The following CCDC158 variants were observed in gnomAD, a reference collection of about 807,000 sequenced individuals.
CCDC158 encodes coiled-coil domain containing 158.
A neutral mutation model predicts 138.6 loss-of-function variants in CCDC158; 116 were observed. The ratio of observed to expected loss-of-function variants is 0.84; its 90% CI spans 0.72 to 0.98. CCDC158 has a LOEUF of 0.98. CCDC158 is among the 50% of genes least tolerant of loss of function. The probability of loss-of-function intolerance (pLI) is 0.00; values close to 1 mark genes in which losing one functional copy is unlikely to be tolerated. For synonymous variants in CCDC158, 436 were observed against 442.4 expected (o/e 0.99, Z 0.18); for missense variants, 1,265 against 1,306.1 (o/e 0.97, Z 0.48).
At chr4:76,313,759 A>C (rs1421505303) in intron 24 of CCDC158, among the ~76,000 whole-genome samples, 1 of 152,212 alleles carries the variant, frequency 6.6e-6, no homozygotes, top group East Asian at 1.9e-4. Context: ...AATTTGGTGA[A>C]TATCTGCACA....
At chr4:76,402,535 T>A (rs1314557509) in intron 3 of CCDC158, among the ~76,000 whole-genome samples, 5 of 152,246 alleles carry the variant, frequency 3.3e-5, no homozygotes, top group African/African-American at 1.2e-4. Flanking sequence ...CAGTTGGTAA[T>A]TTCTGTGTTG....
At chr4:76,353,968 A>T (rs1375238595) in intron 15 of CCDC158, among the ~76,000 whole-genome samples, 1 of 152,210 alleles carries the variant, frequency 6.6e-6, no homozygotes, top group Non-Finnish European at 1.5e-5. Flanking sequence ...AGTGAAAAAC[A>T]TTTATTGTAA....
In CCDC158 at chr4:76,416,312, C is replaced by T. The variant is rs192853067; in HGVS notation, c.-116-4180G>A. On this transcript the variant is annotated intron_variant, in intron 1 of 24. Transcript: ENST00000682701. Reference sequence around the variant, plus strand: ...ACAGCCTGGCATTTGGGGCCACTACCGGTCTCCGCGTCTTGGTTGTAGTGG... The same window carrying T: ...ACAGCCTGGCATTTGGGGCCACTACTGGTCTCCGCGTCTTGGTTGTAGTGG... 4.0e-3 allele frequency among the ~76,000 whole-genome samples: 613 copies of T among 152,236 alleles called. 3 individuals carry two copies. The highest frequency in any genetic ancestry group is 0.014 in the African/African-American group (580 of 41,548).
At chr4:76,327,893 C>G (rs1720670656) in intron 22 of CCDC158, among the ~76,000 whole-genome samples, 1 of 152,140 alleles carries the variant, frequency 6.6e-6, no homozygotes, top group Non-Finnish European at 1.5e-5. Context: ...ATAGGAAGAC[C>G]AATTACGTGT....
At chr4:76,352,267 C>T (rs1305556258) in intron 16 of CCDC158, 1 of 152,996 alleles carries the variant, frequency 6.5e-6, no homozygotes, top group Non-Finnish European at 1.5e-5. Context: ...ATTAACTGGG[C>T]ATGGTGGTGC....
At position 76,367,515 on chromosome 4, in the gene CCDC158, T is replaced by C. The variant is rs1724796988; in HGVS notation, c.1609A>G (p.Lys537Glu). Residue 537 changes from lysine to glutamate, a missense_variant, in exon 12 of 25, where the codon AAA (lysine) becomes GAA (glutamate). Lys to Glu is a moderately conservative substitution (Grantham distance 56, BLOSUM62 1). Transcript: ENST00000682701. The stretch of plus-strand genomic sequence containing the variant: ...TTTCTGAGATGATCCCCTTCATTTT[T>C]CAAGTGTTGCAGCTCCTGCAATTTC... Reference protein sequence around the residue: ...DLKLQELQHLKNEGDHLRNVQ... With the variant: ...DLKLQELQHLENEGDHLRNVQ... The C allele has an allele frequency of 6.8e-6, 11 of 1,614,258 alleles. No individual in the cohort carries two copies. Among genetic ancestry groups the C allele is most frequent in the Non-Finnish European group, 9.3e-6 (11 of 1,180,048 alleles).
At chr4:76,369,401 T>C (rs200727231) in intron 11 of CCDC158, 25 bp downstream of exon 11, 3 of 1,606,066 alleles carry the variant, frequency 1.9e-6, no homozygotes, top group African/African-American at 2.7e-5. Context: ...TGTTTGGCGA[T>C]GGCACAGCCT....
chr4:76,375,616 C>A lies in CCDC158; in HGVS notation c.1029+3674G>T. 10 of 702,658 alleles carry A rather than the reference C, an allele frequency of 1.4e-5. 1 individual carries two copies. The highest frequency in any genetic ancestry group is 1.0e-5 in the Non-Finnish European group (4 of 384,868). The allele number at this position is 702,658 out of a possible 1,614,324, so 43.5% of individuals were successfully genotyped here. On this transcript the variant is annotated intron_variant, in intron 9 of 24. Transcript: ENST00000682701. ...AGGAGATATTTTTGTTGTCAAAAAGCGAAAGTTAAGGGTAAAGCCAAATCT... is the reference window on the plus strand; with the variant it reads ...AGGAGATATTTTTGTTGTCAAAAAGAGAAAGTTAAGGGTAAAGCCAAATCT...
chr4:76,415,132 T>C (rs1024240799), intron 1 of CCDC158, among the ~76,000 whole-genome samples: 3 of 152,186 alleles, frequency 2.0e-5, no homozygotes, highest in Non-Finnish European at 4.4e-5. Flanking sequence ...TAGAGTAAAG[T>C]TCTTGCTATG....
At chr4:76,408,250 A>G (rs557558302) in intron 2 of CCDC158, among the ~76,000 whole-genome samples, 1 of 151,906 alleles carries the variant, frequency 6.6e-6, no homozygotes, top group Non-Finnish European at 1.5e-5. Flanking sequence ...GGTTTGTTAC[A>G]TATGTACACA....
intron 24 of CCDC158, among the ~76,000 whole-genome samples, chr4:76,316,156 G>A (rs1001439862): frequency 4.6e-5 from 7 of 152,136 alleles, no homozygotes; most frequent in African/African-American, 1.4e-4. Context: ...GGTTGATTAA[G>A]CTACTCATGG....
chr4:76,326,522 C>T (rs1720547389), intron 22 of CCDC158, among the ~76,000 whole-genome samples: 1 of 152,140 alleles, frequency 6.6e-6, no homozygotes, highest in African/African-American at 2.4e-5. Context: ...ATTCAAGCAG[C>T]ATTACTTCAA....
chr4:76,329,521 T>G (rs1472604749), intron 21 of CCDC158, among the ~76,000 whole-genome samples: 1 of 152,114 alleles, frequency 6.6e-6, no homozygotes, highest in Non-Finnish European at 1.5e-5. Context: ...GAGGCAGAGC[T>G]TGCAGTGAGC....
chr4:76,330,282 A>T (rs1720900523), intron 21 of CCDC158, among the ~76,000 whole-genome samples: 1 of 152,168 alleles, frequency 6.6e-6, no homozygotes, highest in South Asian at 2.1e-4. Context: ...TGACTTTGAC[A>T]AGTTGCTATG....
rs1304784986 is a variant in CCDC158 at position 76,353,113 on chromosome 4, T to G, written c.2445+10A>C. 9 of 1,599,420 alleles carry G rather than the reference T, an allele frequency of 5.6e-6. No individual in the cohort carries two copies. Among genetic ancestry groups the G allele is most frequent in the Non-Finnish European group, 7.7e-6 (9 of 1,172,742 alleles). ...TTGATAATTACTTCATATGTTTAGTTAATAATTACCTTATCCAGAGCCACT... is the reference window on the plus strand; with the variant it reads ...TTGATAATTACTTCATATGTTTAGTGAATAATTACCTTATCCAGAGCCACT... On this transcript the variant is annotated intron_variant, in intron 16 of 24. Transcript: ENST00000682701.
At chr4:76,331,088 TAGAGGGCTCGG>T (rs1720965466) in intron 21 of CCDC158, among the ~76,000 whole-genome samples, 1 of 152,164 alleles carries the variant, frequency 6.6e-6, no homozygotes, top group East Asian at 1.9e-4. Flanking sequence ...TTAATATATA[TAGAGGGCTCGG>T]ATATCTCTGT....
chr4:76,353,034 T>C (rs1723197504), intron 16 of CCDC158, 89 bp downstream of exon 16: 1 of 1,054,044 alleles, frequency 9.5e-7, no homozygotes, highest in Non-Finnish European at 1.4e-6. Context: ...ATTCAGTTCC[T>C]GTCTACATAG....
chr4:76,344,613 C>T, intron 18 of CCDC158: 1 of 1,425,730 alleles, frequency 7.0e-7, no homozygotes, highest in Non-Finnish European at 9.9e-7. Context: ...ACCTGATGTG[C>T]TCAGTGAGAG....
intron 2 of CCDC158, among the ~76,000 whole-genome samples, chr4:76,408,110 C>G (rs528470165): frequency 6.6e-6 from 1 of 150,724 alleles, no homozygotes; most frequent in African/African-American, 2.4e-5. Context: ...GCTCCTTGTG[C>G]AGCAGGGCTA....
Sources: gnomAD v4.1 joint callset for allele counts (sites outside exome capture counted in the v4.1 genomes callset) on GRCh38, gnomAD v4.1.1 for gene constraint, MANE v1.5 for transcripts, NCBI Gene and HGNC (gene_info 2026-07-23, HGNC 2026-07-21) for gene names.